THSD7A: variants seen among roughly 807,000 people sequenced by gnomAD.
The protein encoded by THSD7A is thrombospondin type 1 domain containing 7A, also known as thrombospondin type-1 domain-containing protein 7A.
In THSD7A, 96 loss-of-function variants were observed where a neutral mutation model predicts 231.3. The ratio of observed to expected loss-of-function variants is 0.41; its 90% CI spans 0.35 to 0.49. The LOEUF is 0.49. Among genes scored for constraint, THSD7A ranks in the 20% least tolerant of loss-of-function variants. THSD7A has a pLI of 0.05. For missense variants in THSD7A, 2,290 were observed against 2,070.2 expected (o/e 1.11, Z -2.06); for synonymous variants, 940 against 743.3 (o/e 1.26, Z -4.30).
intron 1 of THSD7A, among the ~76,000 whole-genome samples, chr7:11,768,643 T>C (rs1239846960): frequency 6.6e-6 from 1 of 152,176 alleles, no homozygotes; most frequent in Non-Finnish European, 1.5e-5. Flanking sequence ...GGACAGTGAG[T>C]TCACAGTTTC....
In THSD7A at chr7:11,469,887, C is replaced by T. The variant is rs763026102; in HGVS notation, c.2360G>A (p.Cys787Tyr). 5.7e-6 allele frequency: 9 copies of T among 1,590,418 alleles called. No homozygotes were observed. The highest frequency in any genetic ancestry group is 7.7e-6 in the Non-Finnish European group (9 of 1,165,698). ...AACTCTGCAGACCATACCTTCTTTACACGAAGAGGGGCATGATGTCCAGTC... is the reference window on the plus strand; with the variant it reads ...AACTCTGCAGACCATACCTTCTTTATACGAAGAGGGGCATGATGTCCAGTC... ...YSDWTSCPSS[C>Y]KEGDSSIRKQ... The change falls in exon 9 of 28, where the codon TGT (cysteine) becomes TAT (tyrosine). Residue 787 changes from cysteine to tyrosine, a missense_variant. Transcript: ENST00000423059.
chr7:11,432,858 A>G (rs921863568), intron 13 of THSD7A, among the ~76,000 whole-genome samples: 6 of 152,012 alleles, frequency 3.9e-5, no homozygotes, highest in African/African-American at 1.4e-4. Flanking sequence ...ATTGGATGGT[A>G]TGTATATTAT....
At chr7:11,799,685 G>A (rs1192619587) in intron 1 of THSD7A, among the ~76,000 whole-genome samples, 1 of 152,010 alleles carries the variant, frequency 6.6e-6, no homozygotes. Context: ...AGCATATTTT[G>A]GGTTTTTTCT....
At chr7:11,549,617 T>C (rs1174811705) in intron 4 of THSD7A, among the ~76,000 whole-genome samples, 3 of 152,172 alleles carry the variant, frequency 2.0e-5, no homozygotes, top group African/African-American at 7.2e-5. Context: ...AATGAGATCA[T>C]GTCTTTGAAG....
Position 11,411,130 on chromosome 7 carries a change from G to T in THSD7A, c.3798+77C>A. The T allele has an allele frequency of 9.4e-7, 1 of 1,068,610 alleles. No homozygotes were observed. The highest frequency in any genetic ancestry group is 1.4e-6 in the Non-Finnish European group (1 of 709,804). The allele number at this position is 1,068,610 out of a possible 1,614,324, so 66.2% of individuals were successfully genotyped here. ...GCTGGCAATGAGCTGCATGGAGCAC[G>T]GGTCACTTGGCTCAGCATGAATTGA... On this transcript the variant is annotated intron_variant, in intron 19 of 27. Coordinates refer to ENST00000423059, the MANE Select transcript of THSD7A (RefSeq NM_015204.3). The surrounding 1 kb of genome is among the most constrained non-coding windows in gnomAD (Gnocchi z 4.1).
At chr7:11,518,752 G>C (rs1028543489) in intron 6 of THSD7A, among the ~76,000 whole-genome samples, 1 of 152,100 alleles carries the variant, frequency 6.6e-6, no homozygotes, top group South Asian at 2.1e-4. Context: ...TATGGCTAGT[G>C]GTTTCCAGAA....
intron 4 of THSD7A, among the ~76,000 whole-genome samples, chr7:11,558,711 T>C (rs1425692057): frequency 6.6e-6 from 1 of 152,054 alleles, no homozygotes; most frequent in Admixed American, 6.6e-5. Context: ...AGAGAAAATA[T>C]CAAATAGGAG....
chr7:11,454,884 A>T (rs888391720), intron 11 of THSD7A, among the ~76,000 whole-genome samples: 2 of 152,020 alleles, frequency 1.3e-5, no homozygotes, highest in African/African-American at 4.8e-5. Context: ...AATATTAACA[A>T]ACATATAGCT....
At chr7:11,609,484 T>C (rs1215934515) in intron 2 of THSD7A, among the ~76,000 whole-genome samples, 1 of 152,118 alleles carries the variant, frequency 6.6e-6, no homozygotes, top group African/African-American at 2.4e-5. Flanking sequence ...GAACAGAGGA[T>C]TACTGAGGCT....
intron 1 of THSD7A, among the ~76,000 whole-genome samples, chr7:11,770,504 T>C (rs941371115): frequency 6.6e-6 from 1 of 152,146 alleles, no homozygotes; most frequent in Non-Finnish European, 1.5e-5. Flanking sequence ...TTTACCAGTG[T>C]TTCTGAGGCA....
At chr7:11,500,154 G>A (rs561683028) in intron 6 of THSD7A, among the ~76,000 whole-genome samples, 51 of 152,226 alleles carry the variant, frequency 3.4e-4, no homozygotes, top group African/African-American at 1.2e-3. Context: ...GAAGAGATTG[G>A]GGGCCTATAT....
At chr7:11,740,296 C>A (rs1363758093) in intron 1 of THSD7A, among the ~76,000 whole-genome samples, 3 of 151,948 alleles carry the variant, frequency 2.0e-5, no homozygotes, top group Non-Finnish European at 4.4e-5. Flanking sequence ...ACGGGGACAG[C>A]TGAGCATATC....
intron 1 of THSD7A, among the ~76,000 whole-genome samples, chr7:11,684,791 A>G (rs994250238): frequency 2.6e-5 from 4 of 152,022 alleles, no homozygotes; most frequent in Admixed American, 6.6e-5. Context: ...TAAAATATCT[A>G]TACTGTTCAA....
At chr7:11,475,822 T>G (rs1786147172) in intron 7 of THSD7A, among the ~76,000 whole-genome samples, 1 of 151,006 alleles carries the variant, frequency 6.6e-6, no homozygotes. Context: ...ATGACATAAT[T>G]TATTTCCATC....
chr7:11,763,345 G>A (rs1043310350), intron 1 of THSD7A, among the ~76,000 whole-genome samples: 1 of 151,874 alleles, frequency 6.6e-6, no homozygotes, highest in African/African-American at 2.4e-5. Context: ...CACTTCTCAG[G>A]GTAATACTTT....
At chr7:11,608,228 C>T (rs1780801604) in intron 2 of THSD7A, among the ~76,000 whole-genome samples, 1 of 152,148 alleles carries the variant, frequency 6.6e-6, no homozygotes, top group South Asian at 2.1e-4. Context: ...TAATTTGTTT[C>T]ATCAAAGCTA....
Position 11,625,206 on chromosome 7 carries a change from T to A in THSD7A, c.1022+10924A>T, listed in dbSNP as rs74996635. Among the ~76,000 whole-genome samples the A allele has an allele frequency of 9.6e-3, 1,468 of 152,248 alleles. 11 individuals carry two copies. Among genetic ancestry groups the A allele is most frequent in the Non-Finnish European group, 0.015 (1,051 of 67,976 alleles). On this transcript the variant is annotated intron_variant, in intron 2 of 27. Coordinates refer to ENST00000423059, the MANE Select transcript of THSD7A (RefSeq NM_015204.3). ...TTGTGATCTGTTATATGTAGTCTTT[T>A]GAAATCTTAAAATGATTTTGTTGTT... is the stretch of plus-strand genomic sequence containing the variant.
intron 1 of THSD7A, among the ~76,000 whole-genome samples, chr7:11,699,476 AGTTT>A (rs779779811): frequency 2.0e-5 from 3 of 151,264 alleles, no homozygotes; most frequent in Non-Finnish European, 3.0e-5. Context: ...TTTTCTTATC[AGTTT>A]GTTTGGGGTT....
At chr7:11,598,835 G>A (rs1780455475) in intron 2 of THSD7A, among the ~76,000 whole-genome samples, 1 of 152,082 alleles carries the variant, frequency 6.6e-6, no homozygotes, top group Non-Finnish European at 1.5e-5. Context: ...TTGACCTAGA[G>A]GTCTTAGTTC....
Sources: gnomAD v4.1 joint callset for allele counts (sites outside exome capture counted in the v4.1 genomes callset) on GRCh38, gnomAD v4.1.1 for gene constraint, Gnocchi (gnomAD v3.1) non-coding constraint, MANE v1.5 for transcripts, NCBI Gene and HGNC (gene_info 2026-07-23, HGNC 2026-07-21) for gene names.